RXFP2: variants seen among roughly 807,000 people sequenced by gnomAD.
RXFP2 encodes the protein relaxin receptor 2.
RXFP2 carries 68 observed loss-of-function variants against 88.6 expected under a neutral mutation model. That is an observed-to-expected ratio of 0.77 (90% CI 0.63 to 0.94). RXFP2 has a LOEUF of 0.94. Ranked by LOEUF, RXFP2 falls within the 40% of genes least tolerant of loss-of-function variation. RXFP2 has a pLI of 0.00. For synonymous variants in RXFP2, 329 were observed against 306.8 expected (o/e 1.07, Z -0.76); for missense variants, 791 against 893.9 (o/e 0.88, Z 1.47).
At chr13:31,750,992 C>A (rs1056619113) in intron 1 of RXFP2, among the ~76,000 whole-genome samples, 2 of 152,030 alleles carry the variant, frequency 1.3e-5, no homozygotes, top group African/African-American at 4.8e-5. Flanking sequence ...AATAGAGAGA[C>A]AAAGATATTG....
chr13:31,741,295 TTA>T (rs1239140718), intron 1 of RXFP2, among the ~76,000 whole-genome samples: 2 of 152,126 alleles, frequency 1.3e-5, no homozygotes, highest in Admixed American at 1.3e-4. Context: ...CTGGAAATTT[TTA>T]TTTTCTAATT....
chr13:31,774,343 G>C (rs577103923), intron 5 of RXFP2, among the ~76,000 whole-genome samples: 5 of 152,318 alleles, frequency 3.3e-5, no homozygotes, highest in East Asian at 3.9e-4. Flanking sequence ...CATAGTGCCA[G>C]TTTGCAGAAA....
chr13:31,754,084 T>C (rs7999589), intron 1 of RXFP2, among the ~76,000 whole-genome samples: 32,546 of 145,280 alleles, frequency 0.22, 2,500 homozygotes, highest in South Asian at 0.27. Context: ...CCCTTCTTTG[T>C]CCACACTTGT....
intron 7 of RXFP2, 70 bp from the exon 8 acceptor site, chr13:31,777,306 T>C: frequency 9.5e-7 from 1 of 1,057,736 alleles, no homozygotes; most frequent in Non-Finnish European, 1.5e-6. Flanking sequence ...AGGCCAGGTG[T>C]TGAGGGGAGG....
Position 31,782,688 on chromosome 13 carries a change from A to G in RXFP2, c.870A>G (p.Arg290=), listed in dbSNP as rs1250817667. 6.2e-7 allele frequency: 1 copy of G among 1,611,870 alleles called. No homozygotes were observed. The highest frequency in any genetic ancestry group is 8.5e-7 in the Non-Finnish European group (1 of 1,177,938). The change falls in exon 11 of 18, where the codon AGA becomes AGG. Residue 290 remains arginine (R), a synonymous_variant. Coordinates refer to ENST00000298386, the MANE Select transcript of RXFP2 (RefSeq NM_130806.5). ...CDSLTVLFLP[R]NQIGFVPEKT... ...CCATGTCTTACAGGTTTCTGCCTAG[A>G]AATCAAATTGGTTTTGTTCCAGAGA...
At chr13:31,777,626 G>A (rs1376870808) in intron 8 of RXFP2, among the ~76,000 whole-genome samples, 179 bp downstream of exon 8, 2 of 152,144 alleles carry the variant, frequency 1.3e-5, no homozygotes, top group African/African-American at 4.8e-5. Flanking sequence ...ATGGCTCAAA[G>A]GGAAGAGCTG....
At position 31,797,294 on chromosome 13, in the gene RXFP2, G is replaced by T. The variant is rs1482716399; in HGVS notation, c.1880G>T (p.Arg627Met). 2.5e-6 allele frequency: 4 copies of T among 1,613,922 alleles called. No individual in the cohort carries two copies. The highest frequency in any genetic ancestry group is 3.4e-6 in the Non-Finnish European group (4 of 1,179,946). ...ACCGCCTTGCAGACCACAGAAGTAA[G>T]GAATTGTTTTGGAAGAGAGGTGGCT... ...QKTALQTTEV[R>M]NCFGREVAVA... Residue 627 changes from arginine (R) to methionine (M), a missense_variant, in exon 17 of 18, where the codon AGG becomes ATG. Transcript: ENST00000298386.
intron 11 of RXFP2, 146 bp downstream of exon 11, chr13:31,782,893 A>T (rs1873353178): frequency 1.6e-6 from 1 of 642,134 alleles, no homozygotes; most frequent in African/African-American, 1.8e-5. Flanking sequence ...AACCAACATT[A>T]TCCTGAAGTC....
At chr13:31,790,580 A>T (rs551396982) in intron 14 of RXFP2, among the ~76,000 whole-genome samples, 1 of 152,302 alleles carries the variant, frequency 6.6e-6, no homozygotes, top group South Asian at 2.1e-4. Context: ...ACTGCGTTAG[A>T]CACCAGGGAC....
intron 2 of RXFP2, among the ~76,000 whole-genome samples, chr13:31,758,783 A>AGGCGG (rs1349058755): frequency 2.2e-4 from 34 of 152,180 alleles, no homozygotes; most frequent in Non-Finnish European, 4.3e-4. Flanking sequence ...CATGCCTATA[A>AGGCGG]CCCCAGCACT....
At chr13:31,778,763 T>G (rs1873116567) in intron 9 of RXFP2, among the ~76,000 whole-genome samples, 180 bp downstream of exon 9, 1 of 152,160 alleles carries the variant, frequency 6.6e-6, no homozygotes, top group Admixed American at 6.5e-5. Flanking sequence ...GGGTAAAGTT[T>G]GACCTTCCCT....
At chr13:31,787,208 T>C (rs926275585) in intron 13 of RXFP2, among the ~76,000 whole-genome samples, 1 of 152,252 alleles carries the variant, frequency 6.6e-6, no homozygotes, top group African/African-American at 2.4e-5. Context: ...AATTGCTGGC[T>C]AAAGGTTGTT....
At chr13:31,774,494 T>G (rs2138428813) in intron 5 of RXFP2, 126 bp from the exon 6 acceptor site, 16 of 704,956 alleles carry the variant, frequency 2.3e-5, no homozygotes, top group East Asian at 8.0e-5. Flanking sequence ...CTCCCCAACA[T>G]GAGAATAGGA....
intron 9 of RXFP2, among the ~76,000 whole-genome samples, chr13:31,779,583 C>T (rs1455477991): frequency 6.6e-6 from 1 of 152,092 alleles, no homozygotes; most frequent in Non-Finnish European, 1.5e-5. Flanking sequence ...TACGTCGTAC[C>T]TTCACCACCA....
intron 1 of RXFP2, among the ~76,000 whole-genome samples, chr13:31,754,454 C>A (rs181826093): frequency 6.6e-6 from 1 of 152,190 alleles, no homozygotes; most frequent in African/African-American, 2.4e-5. Flanking sequence ...TTGCTTAAAC[C>A]CGGGAGGGGG....
At position 31,768,749 on chromosome 13, in the gene RXFP2, C is replaced by T. The variant is rs992636703; in HGVS notation, c.497+2722C>T. 1.6e-3 allele frequency among the ~76,000 whole-genome samples: 244 copies of T among 152,238 alleles called. 2 individuals are homozygous for T. The highest frequency in any genetic ancestry group is 4.4e-4 in the Non-Finnish European group (30 of 68,010). On this transcript the variant is annotated intron_variant, in intron 5 of 17. Transcript: ENST00000298386. ...ACAATGCTTCCTTAAATCTCCTTTC[C>T]TCACCATCCCCTTTACCCACATTCC...
chr13:31,791,657 A>C, intron 14 of RXFP2, 149 bp from the exon 15 acceptor site: 1 of 657,768 alleles, frequency 1.5e-6, no homozygotes, highest in East Asian at 2.7e-5. Context: ...TTCATGAAGA[A>C]CTCTTTAATT....
In RXFP2 at chr13:31,782,737, T is replaced by TTAGGAGAACTGTAAGTTCTGTAGGAACTG. The variant is rs1566231337; in HGVS notation, c.929+6_929+7insTCTGTAGGAACTGTAGGAGAACTGTAAGT. The TTAGGAGAACTGTAAGTTCTGTAGGAACTG allele has an allele frequency of 6.3e-7, 1 of 1,588,336 alleles. No homozygotes were observed. Among genetic ancestry groups the TTAGGAGAACTGTAAGTTCTGTAGGAACTG allele is most frequent in the Admixed American group, 1.7e-5 (1 of 59,950 alleles). On this transcript the variant is annotated stop_gained and frameshift_variant, in exon 11 of 18. Coordinates refer to ENST00000298386, the MANE Select transcript of RXFP2 (RefSeq NM_130806.5). LOFTEE classifies it high-confidence loss of function. ...GAAGACATTTTCTTCATTAAAAAAT[T>TTAGGAGAACTGTAAGTTCTGTAGGAACTG]TAGGAGAACTGTAAGTAGCATCGTC...
In RXFP2 at chr13:31,760,376, C is replaced by A. The variant is rs147638123; in HGVS notation, c.242-1348C>A. Among the ~76,000 whole-genome samples the A allele has an allele frequency of 1.8e-3, 276 of 152,314 alleles. 1 individual carries two copies. The highest frequency in any genetic ancestry group is 6.5e-3 in the African/African-American group (270 of 41,564). On this transcript the variant is annotated intron_variant, in intron 2 of 17. Transcript: ENST00000298386. ...AAAGTGCTGGGATTACAGGCATGAG[C>A]CACTGCGCTTGGCCCTTATCATTGT... is the stretch of plus-strand genomic sequence containing the variant.
Sources: gnomAD v4.1 joint callset for allele counts (sites outside exome capture counted in the v4.1 genomes callset) on GRCh38, gnomAD v4.1.1 for gene constraint, MANE v1.5 for transcripts, NCBI Gene and HGNC (gene_info 2026-07-23, HGNC 2026-07-21) for gene names.